Variants in TCF7L2 observed in about 807,000 individuals in gnomAD.
TCF7L2 encodes transcription factor 7-like 2.
TCF7L2 carries 23 observed loss-of-function variants against 77.9 expected under a neutral mutation model. The observed-to-expected ratio is 0.30, with a 90% CI of 0.21 to 0.42. The LOEUF (loss-of-function observed/expected upper bound fraction) is 0.42, where lower values mean the gene tolerates loss of function less well. TCF7L2 is among the 10% of genes least tolerant of loss of function. The probability of loss-of-function intolerance (pLI) is 1.00; values close to 1 mark genes in which losing one functional copy is unlikely to be tolerated. For missense variants in TCF7L2, 654 were observed against 793.1 expected, an observed-to-expected ratio of 0.82 and a Z score of 2.11; for synonymous variants, 413 against 340.2, an observed-to-expected ratio of 1.21 and a Z score of -2.36.
At chr10:112,996,396 G>C (rs2133232496) in intron 4 of TCF7L2, among the ~76,000 whole-genome samples, 1 of 152,278 alleles carries the variant, frequency 6.6e-6, no homozygotes, top group Non-Finnish European at 1.5e-5. Context: ...GGGCCATGTT[G>C]TGGTCTCTGC....
chr10:113,048,182 G>A (rs1396458665), intron 5 of TCF7L2, among the ~76,000 whole-genome samples: 1 of 152,062 alleles, frequency 6.6e-6, no homozygotes, highest in East Asian at 1.9e-4. Context: ...ACGAAGCGTG[G>A]GAGCCTGTTT....
intron 4 of TCF7L2, among the ~76,000 whole-genome samples, chr10:113,001,410 C>T (rs1438426517): frequency 6.6e-6 from 1 of 152,216 alleles, no homozygotes; most frequent in Non-Finnish European, 1.5e-5. Context: ...GCTCCGAGTT[C>T]TGTGCTGTTA....
chr10:112,976,127 C>T (rs140303342), intron 4 of TCF7L2, among the ~76,000 whole-genome samples: 1 of 152,098 alleles, frequency 6.6e-6, no homozygotes, highest in Non-Finnish European at 1.5e-5. Flanking sequence ...ATGGCAGTAC[C>T]TGTTTCTAGA....
At chr10:113,038,140 C>T (rs1415071181) in intron 4 of TCF7L2, among the ~76,000 whole-genome samples, 1 of 152,078 alleles carries the variant, frequency 6.6e-6, no homozygotes, top group Non-Finnish European at 1.5e-5. Flanking sequence ...CAAGGGGGTT[C>T]CTGTTGGTAT....
At chr10:113,108,664 G>A (rs1245276737) in intron 5 of TCF7L2, among the ~76,000 whole-genome samples, 1 of 152,210 alleles carries the variant, frequency 6.6e-6, no homozygotes, top group African/African-American at 2.4e-5. Flanking sequence ...GGCGCCCCCT[G>A]CAGTATGGAC....
intron 5 of TCF7L2, among the ~76,000 whole-genome samples, chr10:113,090,175 TGAAGAAAAAATAACACCTA>T (rs1306168118): frequency 4.6e-5 from 7 of 152,140 alleles, no homozygotes; most frequent in African/African-American, 1.4e-4. Flanking sequence ...TTAATAGTCC[TGAAGAAAAAATAACACCTA>T]GAACATGCTT....
chr10:113,129,234 C>T (rs1285811447), intron 5 of TCF7L2: 27 of 867,866 alleles, frequency 3.1e-5, no homozygotes, highest in Non-Finnish European at 3.7e-5. Flanking sequence ...CAGCCCTCTC[C>T]CTAAGAAATT....
chr10:112,971,012 T>C (rs1464448463), intron 4 of TCF7L2, among the ~76,000 whole-genome samples: 2 of 152,336 alleles, frequency 1.3e-5, no homozygotes, highest in Non-Finnish European at 2.9e-5. Flanking sequence ...AAGAGGTTCA[T>C]TGACTTGCTA....
intron 11 of TCF7L2, 40 bp downstream of exon 11, chr10:113,152,480 C>A (rs768894399): frequency 2.0e-6 from 3 of 1,528,316 alleles, no homozygotes; most frequent in Non-Finnish European, 2.7e-6. Flanking sequence ...GTCTGTAGAG[C>A]TGTGTTGTGC....
Position 113,166,261 on chromosome 10 carries a change from A to T in TCF7L2, c.*289A>T. On this transcript the variant is annotated 3_prime_UTR_variant, in exon 14 of 14. Transcript: ENST00000627217. ...TTTAAAAAATATATATATATACATAACTGTTATGTAGTTCGGATAGCTTAG... is the reference window on the plus strand; with the variant it reads ...TTTAAAAAATATATATATATACATATCTGTTATGTAGTTCGGATAGCTTAG... The T allele has an allele frequency of 3.5e-6, 1 of 286,096 alleles. No individual in the cohort carries two copies. Among genetic ancestry groups the T allele is most frequent in the East Asian group, 5.3e-5 (1 of 18,782 alleles). 17.7% of individuals were successfully genotyped at this position (286,096 alleles called of 1,614,324 possible).
At chr10:113,116,856 C>T (rs1038645955) in intron 5 of TCF7L2, among the ~76,000 whole-genome samples, 1 of 152,136 alleles carries the variant, frequency 6.6e-6, no homozygotes, top group African/African-American at 2.4e-5. Context: ...CATTAATCTT[C>T]TCAAATGCAA....
chr10:113,088,686 G>A (rs1161539778), intron 5 of TCF7L2, among the ~76,000 whole-genome samples: 1 of 152,160 alleles, frequency 6.6e-6, no homozygotes, highest in African/African-American at 2.4e-5. Context: ...GCCAGACATG[G>A]TGCCGCTTGC....
At chr10:112,965,181 G>C (rs1340039989) in intron 4 of TCF7L2, among the ~76,000 whole-genome samples, 1 of 152,154 alleles carries the variant, frequency 6.6e-6, no homozygotes, top group Non-Finnish European at 1.5e-5. Context: ...TCTTGGACCT[G>C]TCTATGTATG....
chr10:113,126,534 GA>G (rs1230405916), intron 5 of TCF7L2: 3 of 981,970 alleles, frequency 3.1e-6, no homozygotes, highest in South Asian at 4.7e-5. Context: ...GGGTTTGGGG[GA>G]AAAAAAGAAG....
chr10:113,041,942 G>T (rs2052525188), intron 5 of TCF7L2, among the ~76,000 whole-genome samples: 1 of 152,198 alleles, frequency 6.6e-6, no homozygotes, highest in Admixed American at 6.5e-5. Flanking sequence ...CTCTTTGAGT[G>T]AGGAGAGAAG....
chr10:113,008,933 T>TTTTTG (rs1158475575), intron 4 of TCF7L2, among the ~76,000 whole-genome samples: 3 of 152,110 alleles, frequency 2.0e-5, no homozygotes, highest in South Asian at 2.1e-4. Context: ...AATCTCATCT[T>TTTTTG]TTTTGTTTTG....
chr10:112,965,365 G>A (rs568290016), intron 4 of TCF7L2, among the ~76,000 whole-genome samples: 18 of 152,336 alleles, frequency 1.2e-4, no homozygotes, highest in African/African-American at 4.1e-4. Context: ...AGGGAGAGCA[G>A]ACTAATACGA....
chr10:112,951,640 G>A (rs1291108824), intron 3 of TCF7L2, 33 bp downstream of exon 3: 1 of 1,003,942 alleles, frequency 1.0e-6, no homozygotes, highest in South Asian at 4.4e-5. Flanking sequence ...CCCGCCCGCT[G>A]CCCGCCCGCC....
At position 113,041,603 on chromosome 10, in the gene TCF7L2, G is replaced by A. The variant is rs2052454555; in HGVS notation, c.552+1477G>A. Among the ~76,000 whole-genome samples, 3 of 152,212 alleles carry A rather than the reference G, an allele frequency of 2.0e-5. No individual in the cohort carries two copies. In the South Asian group the frequency reaches 6.2e-4, roughly 32 times the overall value. ...TTCTGTTTTGCTGACTGTAAATTGG[G>A]TCATGGTCAGGGACAGTGCATAGGT... On this transcript the variant is annotated intron_variant, in intron 5 of 13. Transcript: ENST00000627217.
Sources: allele counts gnomAD v4.1 joint callset (sites outside exome capture counted in the v4.1 genomes callset), GRCh38; gene constraint gnomAD v4.1.1; transcripts MANE v1.5; gene names NCBI Gene and HGNC (gene_info 2026-07-23, HGNC 2026-07-21).